The following LRCOL1 variants were observed in gnomAD, a reference collection of about 807,000 sequenced individuals.
The protein encoded by LRCOL1 is leucine-rich colipase-like protein 1.
In LRCOL1, 21 loss-of-function variants were observed where a neutral mutation model predicts 21.6. That is an observed-to-expected ratio of 0.97 (90% CI 0.69 to 1.40). The LOEUF (loss-of-function observed/expected upper bound fraction) is 1.40. Among genes scored for constraint, LRCOL1 ranks in the 40% most tolerant of loss-of-function variants. The pLI is 0.00. For synonymous variants in LRCOL1, 98 were observed against 90.1 expected (o/e 1.09, Z -0.49); for missense variants, 198 against 202.3 (o/e 0.98, Z 0.13).
At position 132,604,291 on chromosome 12, in the gene LRCOL1, A is replaced by G. The variant is rs1193005739; in HGVS notation, c.440T>C (p.Ile147Thr). ...QLREYSPFRC[I>T]PRTGILAQCL... Reference sequence around the variant, plus strand: ...CTGGGCCAGGATCCCGGTCCGGGGAATGCAGCGGAAGGGGCTGTACTCCCT... The same window carrying G: ...CTGGGCCAGGATCCCGGTCCGGGGAGTGCAGCGGAAGGGGCTGTACTCCCT... The change falls in exon 5 of 6, where the codon ATT becomes ACT. Residue 147 changes from isoleucine to threonine, a missense_variant. Physicochemically the swap from Ile to Thr is moderately conservative, Grantham distance 89. Transcript: ENST00000376608. 6.5e-7 allele frequency: 1 copy of G among 1,535,438 alleles called. No homozygotes were observed. Among genetic ancestry groups the G allele is most frequent in the Admixed American group, 2.0e-5 (1 of 50,956 alleles).
In LRCOL1 at chr12:132,606,938, A is replaced by G. The variant is rs1035694328; in HGVS notation, c.-13-674T>C. ...GGCAAAACGTGAAAAATGGATTTTG[A>G]AGAAGACTTTTCCCAGCGGACAGTG... On this transcript the variant is annotated intron_variant, in intron 1 of 5. Transcript: ENST00000376608. This position sits in a 1 kb window ranked among gnomAD's most constrained non-coding sequence, Gnocchi z 4.6. 6.6e-6 allele frequency among the ~76,000 whole-genome samples: 1 copy of G among 151,728 alleles called. No individual in the cohort carries two copies. Among genetic ancestry groups the G allele is most frequent in the Non-Finnish European group, 1.5e-5 (1 of 67,808 alleles).
chr12:132,603,484 G>A (rs2041253042), intron 5 of LRCOL1, 80 bp from the exon 6 acceptor site: 3 of 1,535,534 alleles, frequency 2.0e-6, no homozygotes, highest in Admixed American at 3.9e-5. Flanking sequence ...GGAACCCGGG[G>A]CCACAGCATC....
At chr12:132,608,728 G>T (rs192241215) in intron 1 of LRCOL1, among the ~76,000 whole-genome samples, 18 of 152,298 alleles carry the variant, frequency 1.2e-4, no homozygotes, top group Admixed American at 4.6e-4. Context: ...CACTGTGCCC[G>T]TCTTAAATAT....
rs1024787735 is a variant in LRCOL1, at chr12:132,606,390, A to T, written c.-13-126T>A. ...CCTTTCTCTTGCAAGACAGACTTTTAAAAACTTAATGGACTTTATTTTCTA... is the reference window on the plus strand; with the variant it reads ...CCTTTCTCTTGCAAGACAGACTTTTTAAAACTTAATGGACTTTATTTTCTA... On this transcript the variant is annotated intron_variant, in intron 1 of 5. Transcript: ENST00000376608. The surrounding 1 kb of genome is among the most constrained non-coding windows in gnomAD (Gnocchi z 4.6). 19 of 803,372 alleles carry T rather than the reference A, an allele frequency of 2.4e-5. No individual in the cohort carries two copies. The highest frequency in any genetic ancestry group is 3.2e-5 in the Non-Finnish European group (17 of 524,294). The allele number at this position is 803,372 out of a possible 1,614,324, so 49.8% of individuals were successfully genotyped here.
At position 132,604,306 on chromosome 12, in the gene LRCOL1, CTG is replaced by C. The variant is rs1256418016; in HGVS notation, c.423_424del (p.Tyr141Ter). ...GGTCCGGGGAATGCAGCGGAAGGGG[CTG>C]TACTCCCTCAGCTGGATGCAGCACT... On this transcript the variant is annotated stop_gained and frameshift_variant, in exon 5 of 6. Transcript: ENST00000376608. LOFTEE classifies it high-confidence loss of function. The C allele has an allele frequency of 1.2e-5, 18 of 1,535,762 alleles. No individual in the cohort carries two copies. The highest frequency in any genetic ancestry group is 1.5e-5 in the Non-Finnish European group (17 of 1,146,822).
rs2041265665 is a variant in LRCOL1 at position 132,604,082 on chromosome 12, C to G, written c.477+172G>C. 3.5e-6 allele frequency: 5 copies of G among 1,425,484 alleles called. No individual in the cohort carries two copies. The East Asian group carries it at 1.3e-4, about 36-fold the overall frequency. 88.3% of individuals were successfully genotyped at this position (1,425,484 alleles called of 1,614,324 possible). On this transcript the variant is annotated intron_variant, in intron 5 of 5. Coordinates refer to ENST00000376608, the MANE Select transcript of LRCOL1 (RefSeq NM_001195520.2). Reference sequence around the variant, plus strand: ...CCAGCCCAGGAGCCTTCTCTGCGGCCCCCACCTTATGAGATGGGCGGTGAA... The same window carrying G: ...CCAGCCCAGGAGCCTTCTCTGCGGCGCCCACCTTATGAGATGGGCGGTGAA...
intron 2 of LRCOL1, among the ~76,000 whole-genome samples, chr12:132,605,339 C>T (rs754407760): frequency 1.4e-4 from 21 of 152,190 alleles, no homozygotes; most frequent in Non-Finnish European, 2.2e-4. Flanking sequence ...TGTCTATTGA[C>T]GTTACTGGAT....
Position 132,603,218 on chromosome 12 carries a change from TCA to T in LRCOL1, c.*182_*183del. The T allele has an allele frequency of 1.2e-6, 1 of 860,468 alleles. No individual in the cohort carries two copies. Among genetic ancestry groups the T allele is most frequent in the East Asian group, 2.7e-5 (1 of 36,832 alleles). 53.3% of individuals were successfully genotyped at this position (860,468 alleles called of 1,614,324 possible). A position where few individuals can be genotyped will look rare whatever the true frequency, so the allele number is the denominator to read the frequency against. On this transcript the variant is annotated 3_prime_UTR_variant, in exon 6 of 6. Transcript: ENST00000376608. Reference sequence around the variant, plus strand: ...ACACCCCAGTGCCTGGGATTTGTTCTCACAGACACTTCGCGCCACCAGGCTGG... The same window carrying T: ...ACACCCCAGTGCCTGGGATTTGTTCTCAGACACTTCGCGCCACCAGGCTGG...
Position 132,604,573 on chromosome 12 carries a change from G to A in LRCOL1, c.243C>T (p.Tyr81=). ...GGCACTCTGAGTCGTGCGAGCATCT[G>A]TACCCATTGGGCTATGGGACAGGAG... ...QCLPWRKPNG[Y]RCSHDSECQS... Residue 81 remains tyrosine (Y), a synonymous_variant, in exon 4 of 6, where the codon TAC becomes TAT. Coordinates refer to ENST00000376608, the MANE Select transcript of LRCOL1 (RefSeq NM_001195520.2). The A allele has an allele frequency of 1.3e-6, 2 of 1,535,226 alleles. No homozygotes were observed. The highest frequency in any genetic ancestry group is 8.7e-7 in the Non-Finnish European group (1 of 1,146,236).
intron 2 of LRCOL1, chr12:132,605,795 T>C: frequency 4.2e-6 from 1 of 239,202 alleles, no homozygotes; most frequent in Admixed American, 5.4e-5. Context: ...AAAAGAAAAA[T>C]GGGTATATTT....
intron 1 of LRCOL1, among the ~76,000 whole-genome samples, chr12:132,607,151 G>A (rs186271911): frequency 1.3e-5 from 2 of 152,296 alleles, no homozygotes; most frequent in African/African-American, 4.8e-5. Flanking sequence ...ATGCCCGGAC[G>A]GCGCTGCCCC....
chr12:132,608,051 C>T (rs2041335486), intron 1 of LRCOL1, among the ~76,000 whole-genome samples: 2 of 152,148 alleles, frequency 1.3e-5, no homozygotes, highest in South Asian at 4.1e-4. Flanking sequence ...CTTGAATCCC[C>T]TTGATTATTA....
Position 132,604,735 on chromosome 12 carries a change from T to C in LRCOL1, c.202A>G (p.Ile68Val). The change falls in exon 3 of 6, where the codon ATC (isoleucine) becomes GTC (valine). Residue 68 changes from isoleucine (I) to valine (V), a missense_variant. Transcript: ENST00000376608. ...CTCCAGGGCAGGCACTGCAGGAAGA[T>C]GGTCTTAGGGGTGCAGAGCGTGTGT... ...APHTLCTPKT[I>V]FLQCLPWRKP... 1 of 1,536,094 alleles carries C rather than the reference T, an allele frequency of 6.5e-7. No homozygotes were observed. The highest frequency in any genetic ancestry group is 1.2e-5 in the South Asian group (1 of 84,054).
chr12:132,604,908 C>G, intron 2 of LRCOL1, 77 bp from the exon 3 acceptor site: 8 of 1,494,438 alleles, frequency 5.4e-6, no homozygotes, highest in Non-Finnish European at 7.1e-6. Context: ...AAGGCCTGCC[C>G]TCTCCTTGGC....
rs2041314295 is a variant in LRCOL1 at position 132,606,702 on chromosome 12, C to T, written c.-13-438G>A. Among the ~76,000 whole-genome samples the T allele has an allele frequency of 1.3e-5, 2 of 152,086 alleles. No individual in the cohort carries two copies. The highest frequency in any genetic ancestry group is 4.2e-4 in the South Asian group (2 of 4,812). On this transcript the variant is annotated intron_variant, in intron 1 of 5. Coordinates refer to ENST00000376608, the MANE Select transcript of LRCOL1 (RefSeq NM_001195520.2). This position sits in a 1 kb window ranked among gnomAD's most constrained non-coding sequence, Gnocchi z 4.6. ...CCCCGTGCCCCGTCTATTCGCTCCT[C>T]CCTCCCCAGCTGCTGACAGCCACCG... is the stretch of plus-strand genomic sequence containing the variant.
chr12:132,609,972 A>G (rs915957588), intron 1 of LRCOL1, among the ~76,000 whole-genome samples: 4 of 152,268 alleles, frequency 2.6e-5, no homozygotes, highest in African/African-American at 9.6e-5. Flanking sequence ...GCTCGATGCT[A>G]AATCTTGTCA....
rs1273300046 is a variant in LRCOL1, at chr12:132,604,697, G to A, written c.231+9C>T. 1.6e-5 allele frequency: 25 copies of A among 1,535,008 alleles called. No homozygotes were observed. In the South Asian group the frequency reaches 1.7e-4, roughly 10 times the overall value. On this transcript the variant is annotated intron_variant, in intron 3 of 5. Transcript: ENST00000376608. ...CGCTCCTCCACCCCCGCCCCTGCAC[G>A]CACCTCACCTTCCTCCAGGGCAGGC...
Position 132,606,279 on chromosome 12 carries a change from G to A in LRCOL1, c.-13-15C>T, listed in dbSNP as rs776195461. 1.3e-5 allele frequency: 20 copies of A among 1,534,778 alleles called. No homozygotes were observed. The South Asian group carries it at 2.4e-4, about 18-fold the overall frequency. On this transcript the variant is annotated splice_polypyrimidine_tract_variant and intron_variant, in intron 1 of 5. Transcript: ENST00000376608. This position sits in a 1 kb window ranked among gnomAD's most constrained non-coding sequence, Gnocchi z 4.6. ...GGTGTGTGGACCTGCAGAGACCCAG[G>A]ATTGTGTGGGAGTGTGTCCACGCCA... is the stretch of plus-strand genomic sequence containing the variant.
chr12:132,607,430 T>C (rs1326931238), intron 1 of LRCOL1, among the ~76,000 whole-genome samples: 1 of 152,188 alleles, frequency 6.6e-6, no homozygotes, highest in African/African-American at 2.4e-5. Context: ...GATAACAAGA[T>C]AAACCATTCG....
Sources: allele counts gnomAD v4.1 joint callset (sites outside exome capture counted in the v4.1 genomes callset), GRCh38; gene constraint gnomAD v4.1.1; non-coding constraint Gnocchi (gnomAD v3.1); transcripts MANE v1.5; gene names NCBI Gene and HGNC (gene_info 2026-07-23, HGNC 2026-07-21).